Variants in RASGEF1A observed in about 807,000 individuals in gnomAD.
RASGEF1A encodes the protein RasGEF domain family member 1A, also known as ras-GEF domain-containing family member 1A.
A neutral mutation model predicts 56.4 loss-of-function variants in RASGEF1A; 18 were observed. The observed-to-expected ratio is 0.32, with a 90% confidence interval of 0.22 to 0.47. RASGEF1A has a LOEUF of 0.47. Among genes scored for constraint, RASGEF1A ranks in the 20% least tolerant of loss-of-function variants. The pLI is 1.00. For missense variants in RASGEF1A, 422 were observed against 627.1 expected, an observed-to-expected ratio of 0.67 and a Z score of 3.49; for synonymous variants, 245 against 242.6, an observed-to-expected ratio of 1.01 and a Z score of -0.09.
At chr10:43,237,698 G>A (rs1840449135) in intron 1 of RASGEF1A, among the ~76,000 whole-genome samples, 1 of 151,988 alleles carries the variant, frequency 6.6e-6, no homozygotes, top group Non-Finnish European at 1.5e-5. Context: ...AGGCCTGAAC[G>A]CACTCATGCC....
At chr10:43,249,293 G>A (rs55679847) in intron 1 of RASGEF1A, among the ~76,000 whole-genome samples, 34 of 152,232 alleles carry the variant, frequency 2.2e-4, no homozygotes, top group East Asian at 7.7e-4. Flanking sequence ...CACTTCCCAC[G>A]TCTGACCATC....
intron 1 of RASGEF1A, chr10:43,229,525 C>G: frequency 2.3e-6 from 2 of 885,338 alleles, no homozygotes; most frequent in South Asian, 3.6e-5. Flanking sequence ...GTCCTCAGGG[C>G]GGGCACCCTC....
chr10:43,202,464 C>T (rs1328244005), intron 3 of RASGEF1A, among the ~76,000 whole-genome samples: 1 of 152,144 alleles, frequency 6.6e-6, no homozygotes, highest in Non-Finnish European at 1.5e-5. Context: ...ACGACTCCGA[C>T]CCTCTCGGAA....
At chr10:43,197,334 C>T (rs1218755160) in intron 10 of RASGEF1A, among the ~76,000 whole-genome samples, 1 of 152,232 alleles carries the variant, frequency 6.6e-6, no homozygotes, top group Non-Finnish European at 1.5e-5. Context: ...GGCCATCAGG[C>T]CGGCAGCAGG....
intron 1 of RASGEF1A, among the ~76,000 whole-genome samples, chr10:43,211,414 G>A (rs1359094518): frequency 6.6e-6 from 1 of 152,194 alleles, no homozygotes; most frequent in African/African-American, 2.4e-5. Flanking sequence ...GGCCTGGAGT[G>A]GAGGCTGCCT....
At chr10:43,199,050 T>TG in intron 8 of RASGEF1A, 38 bp from the exon 9 acceptor site, 8 of 912,024 alleles carry the variant, frequency 8.8e-6, no homozygotes, top group Non-Finnish European at 1.2e-5. Context: ...GCCGGGGGGG[T>TG]GGGCCATGCA....
At chr10:43,249,972 T>A (rs549002802) in intron 1 of RASGEF1A, among the ~76,000 whole-genome samples, 1 of 152,250 alleles carries the variant, frequency 6.6e-6, no homozygotes, top group East Asian at 1.9e-4. Context: ...TCGGGGAAAG[T>A]CCCCTGGGGA....
At chr10:43,226,990 G>A (rs1434366080) in intron 1 of RASGEF1A, among the ~76,000 whole-genome samples, 4 of 152,328 alleles carry the variant, frequency 2.6e-5, no homozygotes, top group African/African-American at 7.2e-5. Context: ...GTGGAGGCAC[G>A]GAGGTGGGGA....
chr10:43,246,917 A>G (rs1840572506), intron 1 of RASGEF1A, among the ~76,000 whole-genome samples: 1 of 152,244 alleles, frequency 6.6e-6, no homozygotes, highest in African/African-American at 2.4e-5. Context: ...AAAGAGATAA[A>G]TTGGACTTGA....
chr10:43,207,376 C>T, intron 1 of RASGEF1A: 1 of 987,046 alleles, frequency 1.0e-6, no homozygotes, highest in Non-Finnish European at 1.2e-6. Context: ...ACCACCTGCC[C>T]ACACCCCCCA....
At chr10:43,205,863 C>G in intron 2 of RASGEF1A, 56 bp downstream of exon 2, 1 of 1,441,630 alleles carries the variant, frequency 6.9e-7, no homozygotes, top group Non-Finnish European at 9.7e-7. Flanking sequence ...CACCCGACAT[C>G]TCCTGGAGCC....
rs1360555225 is a variant in RASGEF1A, at chr10:43,199,765, G to A, written c.760C>T (p.Arg254Ter). The change falls in exon 7 of 13, where the codon CGA becomes TGA. Residue 254 changes from arginine (R) to a stop codon, truncating the protein, a stop_gained. Transcript: ENST00000395810. LOFTEE classifies it high-confidence loss of function. Reference protein sequence around the residue: ...HMDSLDNHRCRGDLTKTYSLE... With the variant: ...HMDSLDNHRC ...CTGTAGGTCTTGGTCAGGTCCCCTC[G>A]GCACTGGAAAGGACACAGCAGGTCA... 4 of 1,613,134 alleles carry A rather than the reference G, an allele frequency of 2.5e-6. No individual in the cohort carries two copies. The highest frequency in any genetic ancestry group is 3.4e-6 in the Non-Finnish European group (4 of 1,179,778).
chr10:43,216,156 C>T (rs1840133924), intron 1 of RASGEF1A, among the ~76,000 whole-genome samples: 1 of 152,210 alleles, frequency 6.6e-6, no homozygotes, highest in Admixed American at 6.5e-5. Context: ...CCAGGCTGCC[C>T]CCCAACCTGG....
intron 1 of RASGEF1A, among the ~76,000 whole-genome samples, chr10:43,251,802 G>A (rs764783375): frequency 2.6e-5 from 4 of 152,192 alleles, no homozygotes; most frequent in Non-Finnish European, 4.4e-5. Flanking sequence ...ACTGTGAGGG[G>A]GACCAGGCCT....
chr10:43,248,650 AT>A lies in RASGEF1A; in HGVS notation c.-7+18194del, dbSNP rs574650311. On this transcript the variant is annotated intron_variant, in intron 1 of 12. Transcript: ENST00000395810. ...ATGAATGACAGTGAGCTAATAAGGC[AT>A]TTTTTTTTCTTGAATGGTGTGTTTG... Among the ~76,000 whole-genome samples, 38 of 151,220 alleles carry A rather than the reference AT, an allele frequency of 2.5e-4. No homozygotes were observed. The South Asian group carries it at 6.1e-3, about 24-fold the overall frequency.
At chr10:43,240,697 G>A (rs983403724) in intron 1 of RASGEF1A, among the ~76,000 whole-genome samples, 2 of 151,510 alleles carry the variant, frequency 1.3e-5, no homozygotes, top group Non-Finnish European at 2.9e-5. Flanking sequence ...AAAAAGAAAG[G>A]AACAAATAAA....
Position 43,200,210 on chromosome 10 carries a change from C to T in RASGEF1A, c.728G>A (p.Ser243Asn). Residue 243 changes from serine to asparagine, a missense_variant, in exon 6 of 13, where the codon AGC becomes AAC. Coordinates refer to ENST00000395810, the MANE Select transcript of RASGEF1A (RefSeq NM_145313.4). Reference protein sequence around the residue: ...IYPEDLMQIVSHMDSLDNHRC... With the variant: ...IYPEDLMQIVNHMDSLDNHRC... Reference sequence around the variant, plus strand: ...GTGGTTGTCCAAGGAGTCCATGTGGCTGACGATCTGCATCAAGTCCTCAGG... The same window carrying T: ...GTGGTTGTCCAAGGAGTCCATGTGGTTGACGATCTGCATCAAGTCCTCAGG... 2 of 1,606,116 alleles carry T rather than the reference C, an allele frequency of 1.2e-6. No homozygotes were observed. Among genetic ancestry groups the T allele is most frequent in the East Asian group, 2.2e-5 (1 of 44,716 alleles).
chr10:43,233,993 G>A (rs1840402093), intron 1 of RASGEF1A, among the ~76,000 whole-genome samples: 1 of 152,166 alleles, frequency 6.6e-6, no homozygotes, highest in Non-Finnish European at 1.5e-5. Flanking sequence ...GGCACAAAGA[G>A]CATCTAAGGT....
intron 1 of RASGEF1A, among the ~76,000 whole-genome samples, chr10:43,242,481 A>G (rs910392587): frequency 6.6e-6 from 1 of 151,698 alleles, no homozygotes; most frequent in Non-Finnish European, 1.5e-5. Flanking sequence ...AGGTCAGTTA[A>G]AAAAAAATCG....
Sources: gnomAD v4.1 joint callset for allele counts (sites outside exome capture counted in the v4.1 genomes callset) on GRCh38, gnomAD v4.1.1 for gene constraint, MANE v1.5 for transcripts, NCBI Gene and HGNC (gene_info 2026-07-23, HGNC 2026-07-21) for gene names.